The following PCSK4 variants were observed in gnomAD, a reference collection of about 807,000 sequenced individuals.
PCSK4 encodes the protein testicular tissue protein Li 135.
A neutral mutation model predicts 80.3 loss-of-function variants in PCSK4; 64 were observed. The observed-to-expected ratio is 0.80, with a 90% confidence interval of 0.65 to 0.98. The LOEUF is 0.98. Ranked by LOEUF, PCSK4 falls within the 50% of genes least tolerant of loss-of-function variation. PCSK4 has a pLI of 0.00. For missense variants in PCSK4, 1,213 were observed against 1,093.6 expected (o/e 1.11, Z -1.54); for synonymous variants, 561 against 487.6 (o/e 1.15, Z -1.98).
At chr19:1,485,716 A>G (rs978841583) in intron 8 of PCSK4, among the ~76,000 whole-genome samples, 2 of 150,566 alleles carry the variant, frequency 1.3e-5, no homozygotes, top group African/African-American at 4.9e-5. Flanking sequence ...CTGAAAATAC[A>G]AAAAATTAGC....
exon 10 of PCSK4, chr19:1,483,882 T>A (rs2084456987): frequency 6.7e-7 from 1 of 1,493,806 alleles, no homozygotes; most frequent in African/African-American, 1.5e-5. Context: ...GGCCTGCAGG[T>A]GCGCCGGCTT....
exon 15 of PCSK4, chr19:1,481,483 C>T (rs1392484731): frequency 8.2e-6 from 3 of 365,706 alleles, no homozygotes; most frequent in East Asian, 4.1e-5. Flanking sequence ...GTGCCCGAGG[C>T]GGACAGTGTC....
chr19:1,481,629 G>T, exon 15 of PCSK4: 1 of 574,414 alleles, frequency 1.7e-6, no homozygotes, highest in East Asian at 2.9e-5. Context: ...GTTCCACGGG[G>T]CCCATCCCTG....
chr19:1,488,128 C>G (rs2084738838), intron 3 of PCSK4, 36 bp from the exon 4 acceptor site: 1 of 1,612,752 alleles, frequency 6.2e-7, no homozygotes. Flanking sequence ...CCTGTGAGGG[C>G]CTGGAGTTGA....
intron 8 of PCSK4, among the ~76,000 whole-genome samples, chr19:1,486,119 C>G (rs1451797542): frequency 1.3e-5 from 2 of 151,570 alleles, no homozygotes; most frequent in Non-Finnish European, 2.9e-5. Context: ...ATTACAGGCG[C>G]CCGCCACCAT....
At chr19:1,485,637 C>T (rs764439276) in intron 8 of PCSK4, among the ~76,000 whole-genome samples, 4 of 151,886 alleles carry the variant, frequency 2.6e-5, no homozygotes, top group South Asian at 2.1e-4. Context: ...TTTGGGAGGC[C>T]GAGGTGGGCG....
At chr19:1,485,677 C>T (rs1285445047) in intron 8 of PCSK4, among the ~76,000 whole-genome samples, 1 of 151,938 alleles carries the variant, frequency 6.6e-6, no homozygotes. Context: ...CGAGATCATC[C>T]TGGCTAACAT....
At chr19:1,488,691 C>T (rs1445554345) in intron 2 of PCSK4, among the ~76,000 whole-genome samples, 1 of 152,114 alleles carries the variant, frequency 6.6e-6, no homozygotes, top group African/African-American at 2.4e-5. Flanking sequence ...AGCGATTCTC[C>T]TACCTCAGCC....
intron 5 of PCSK4, 28 bp downstream of exon 5, chr19:1,487,757 C>A: frequency 6.4e-7 from 1 of 1,553,770 alleles, no homozygotes; most frequent in East Asian, 2.4e-5. Context: ...CTGGGGCTTC[C>A]CCCGTGTGCT....
intron 2 of PCSK4, chr19:1,489,466 T>G: frequency 3.2e-6 from 1 of 317,406 alleles, no homozygotes; most frequent in South Asian, 4.3e-5. Context: ...CATTACGGTG[T>G]CGTAAAATCC....
At chr19:1,490,761 C>T (rs75085920), upstream of PCSK4, 432 of 201,580 alleles carry the variant, frequency 2.1e-3, 5 homozygotes, top group African/African-American at 9.4e-3. Flanking sequence ...ATAAGCCTCG[C>T]CCCGTTCCCG....
intron 1 of PCSK4, 67 bp from the exon 2 acceptor site, chr19:1,489,964 G>T (rs1324100136): frequency 1.7e-5 from 27 of 1,545,612 alleles, no homozygotes; most frequent in Middle Eastern, 2.1e-4. Flanking sequence ...CCGAGGGCCG[G>T]TAACAGCCCC....
chr19:1,489,668 G>A, intron 2 of PCSK4, 125 bp downstream of exon 2: 2 of 1,459,280 alleles, frequency 1.4e-6, no homozygotes, highest in Non-Finnish European at 1.8e-6. Context: ...TGGGGCCCGG[G>A]CGGGTCTGAG....
chr19:1,484,411 C>T (rs1599214830), intron 8 of PCSK4, among the ~76,000 whole-genome samples: 3 of 151,836 alleles, frequency 2.0e-5, no homozygotes, highest in South Asian at 4.2e-4. Flanking sequence ...CACTTGAACC[C>T]GACAGGCAGA....
chr19:1,489,993 G>A (rs1469769961), intron 1 of PCSK4, 96 bp from the exon 2 acceptor site: 3 of 1,529,798 alleles, frequency 2.0e-6, no homozygotes, highest in East Asian at 2.5e-5. Context: ...TCCTTCCCCA[G>A]CAGGTGCTCT....
At chr19:1,489,945 C>T (rs1321562208) in intron 1 of PCSK4, 48 bp from the exon 2 acceptor site, 1 of 1,560,578 alleles carries the variant, frequency 6.4e-7, no homozygotes. Flanking sequence ...GGCTCCCCTG[C>T]TGAAGCCCCC....
chr19:1,486,221 C>T (rs768173496), intron 8 of PCSK4, among the ~76,000 whole-genome samples: 3 of 151,972 alleles, frequency 2.0e-5, no homozygotes, highest in Non-Finnish European at 4.4e-5. Context: ...AGGTGATCCA[C>T]CCACCTTGGT....
In PCSK4 at chr19:1,482,655, C is replaced by G. The variant is rs2084361001; in HGVS notation, c.1697-180G>C. On this transcript the variant is annotated intron_variant, in intron 13 of 14. Transcript: ENST00000300954. ...CTGGACACCGACATCTCCCGGGTGA[C>G]TGCACACCTACTGTGCGCCTGTCAC... The G allele has an allele frequency of 3.6e-6, 3 of 826,366 alleles. No homozygotes were observed. The South Asian group carries it at 5.3e-5, about 14-fold the overall frequency. The allele number at this position is 826,366 out of a possible 1,614,324, so 51.2% of individuals were successfully genotyped here.
At chr19:1,488,560 C>G (rs1432359386) in intron 2 of PCSK4, among the ~76,000 whole-genome samples, 2 of 151,904 alleles carry the variant, frequency 1.3e-5, no homozygotes, top group East Asian at 3.9e-4. Context: ...ATCCTTCTAT[C>G]TCTCTCCTGC....
Sources: allele counts gnomAD v4.1 joint callset (sites outside exome capture counted in the v4.1 genomes callset), GRCh38; gene constraint gnomAD v4.1.1; transcripts MANE v1.5; gene names NCBI Gene and HGNC (gene_info 2026-07-23, HGNC 2026-07-21).